The following SMG6 variants were observed in gnomAD, a reference collection of about 807,000 sequenced individuals.
SMG6 encodes the protein SMG6 nonsense mediated mRNA decay factor.
Under a neutral mutation model 142.2 loss-of-function variants are expected in SMG6, and 66 were observed. The observed-to-expected ratio is 0.46, with a 90% CI of 0.38 to 0.57. SMG6 has a LOEUF of 0.57. SMG6 is among the 20% of genes least tolerant of loss of function. The probability of loss-of-function intolerance (pLI) is 0.00; values close to 1 mark genes in which losing one functional copy is unlikely to be tolerated. For missense variants in SMG6, 1,793 were observed against 1,832.0 expected (o/e 0.98, Z 0.39); for synonymous variants, 779 against 702.4 (o/e 1.11, Z -1.72).
chr17:2,129,666 C>T (rs1435439608), intron 13 of SMG6, among the ~76,000 whole-genome samples: 1 of 151,432 alleles, frequency 6.6e-6, no homozygotes, highest in African/African-American at 2.4e-5. Context: ...TGGTGGTGCG[C>T]TCCTGTAACC....
Position 2,086,958 on chromosome 17 carries a change from CCCCTTCAT to C in SMG6, c.3358-1065_3358-1058del, listed in dbSNP as rs1294082397. On this transcript the variant is annotated intron_variant, in intron 13 of 18. Transcript: ENST00000263073. The stretch of plus-strand genomic sequence containing the variant: ...TGGCCAGACGTGCCACAGGGGACGG[CCCCTTCAT>C]CCTCACTGACTAGCCCCTGCCTCTC... 1.4e-5 allele frequency: 18 copies of C among 1,259,548 alleles called. No homozygotes were observed. The Admixed American group carries it at 4.3e-4, about 30-fold the overall frequency. 78.0% of individuals were successfully genotyped at this position (1,259,548 alleles called of 1,614,324 possible). A position where few individuals can be genotyped will look rare whatever the true frequency, so the allele number is the denominator to read the frequency against.
rs893251920 is a variant in SMG6, at chr17:2,098,894, G to A, written c.3358-12993C>T. On this transcript the variant is annotated intron_variant, in intron 13 of 18. Coordinates refer to ENST00000263073, the MANE Select transcript of SMG6 (RefSeq NM_017575.5). Reference sequence around the variant, plus strand: ...GATCCACCCGCCTCAGCCTCCCAAAGGGCTGGAATTACAGGCGTGAGCCAC... The same window carrying A: ...GATCCACCCGCCTCAGCCTCCCAAAAGGCTGGAATTACAGGCGTGAGCCAC... Among the ~76,000 whole-genome samples the A allele has an allele frequency of 6.6e-5, 10 of 152,284 alleles. No homozygotes were observed. In the South Asian group the frequency reaches 1.5e-3, roughly 22 times the overall value.
intron 13 of SMG6, among the ~76,000 whole-genome samples, chr17:2,142,026 T>C (rs2070496212): frequency 6.6e-6 from 1 of 152,160 alleles, no homozygotes; most frequent in South Asian, 2.1e-4. Flanking sequence ...TATTTGGTGA[T>C]AAACTCTGTT....
chr17:2,293,192 A>G (rs1393015725), intron 4 of SMG6, among the ~76,000 whole-genome samples: 3 of 152,186 alleles, frequency 2.0e-5, no homozygotes, highest in Non-Finnish European at 4.4e-5. Context: ...AACAGTCAGC[A>G]GTGTGATACA....
chr17:2,296,973 G>A (rs1176212900), intron 4 of SMG6, among the ~76,000 whole-genome samples: 1 of 147,356 alleles, frequency 6.8e-6, no homozygotes, highest in Non-Finnish European at 1.5e-5. Flanking sequence ...CTGCACTCCA[G>A]CCTGGGTGAC....
intron 13 of SMG6, among the ~76,000 whole-genome samples, chr17:2,142,645 A>T (rs923059224): frequency 6.6e-6 from 1 of 152,138 alleles, no homozygotes; most frequent in African/African-American, 2.4e-5. Flanking sequence ...GCACTTTGGG[A>T]GGCTGAGGTG....
At chr17:2,220,227 C>T (rs1798982698) in intron 10 of SMG6, among the ~76,000 whole-genome samples, 1 of 151,908 alleles carries the variant, frequency 6.6e-6, no homozygotes, top group African/African-American at 2.4e-5. Context: ...CAACATGAAA[C>T]GCAGACAAAA....
At chr17:2,174,823 G>C (rs2071609143) in intron 12 of SMG6, among the ~76,000 whole-genome samples, 1 of 152,166 alleles carries the variant, frequency 6.6e-6, no homozygotes, top group Admixed American at 6.5e-5. Context: ...GCAGAGATCT[G>C]CCTGAGCTCC....
At chr17:2,105,963 A>C (rs918216606) in intron 13 of SMG6, among the ~76,000 whole-genome samples, 1 of 152,240 alleles carries the variant, frequency 6.6e-6, no homozygotes, top group African/African-American at 2.4e-5. Context: ...TGGAAATCAA[A>C]GCTCCCTCCT....
At chr17:2,270,483 C>T (rs538238491) in intron 8 of SMG6, among the ~76,000 whole-genome samples, 68 of 152,198 alleles carry the variant, frequency 4.5e-4, no homozygotes, top group Non-Finnish European at 8.7e-4. Flanking sequence ...TGGCACATGC[C>T]TGTAGTCCCA....
rs557065613 is a variant in SMG6 at position 2,218,277 on chromosome 17, C to T, written c.2869+18215G>A. Among the ~76,000 whole-genome samples, 192 of 152,114 alleles carry T rather than the reference C, an allele frequency of 1.3e-3. 3 individuals are homozygous for T. The highest frequency in any genetic ancestry group is 4.3e-3 in the African/African-American group (180 of 41,514). On this transcript the variant is annotated intron_variant, in intron 10 of 18. Coordinates refer to ENST00000263073, the MANE Select transcript of SMG6 (RefSeq NM_017575.5). The stretch of plus-strand genomic sequence containing the variant: ...ATAAGATAACCAAATAGGCCAGGCG[C>T]GGTGGCTCACACCTGTAATCCCAGC...
At chr17:2,106,527 GGAAA>G (rs1162188695) in intron 13 of SMG6, among the ~76,000 whole-genome samples, 3 of 152,206 alleles carry the variant, frequency 2.0e-5, no homozygotes, top group African/African-American at 7.2e-5. Flanking sequence ...AAGAAGGAAG[GGAAA>G]GAGAGGGAGA....
At chr17:2,289,181 T>C (rs1407258520) in intron 6 of SMG6, among the ~76,000 whole-genome samples, 1 of 150,214 alleles carries the variant, frequency 6.7e-6, no homozygotes, top group Admixed American at 6.6e-5. Flanking sequence ...ACCTGGGAGG[T>C]TGAGGCTGCA....
At chr17:2,225,828 C>T (rs117170724) in intron 10 of SMG6, among the ~76,000 whole-genome samples, 8 of 151,796 alleles carry the variant, frequency 5.3e-5, no homozygotes, top group Admixed American at 2.6e-4. Flanking sequence ...AGGGGCACGA[C>T]GACAACGGTG....
In SMG6 at chr17:2,263,115, C is replaced by T. The variant is rs148368460; in HGVS notation, c.2662-18396G>A. ...CGACCGAAGATAAACGCCCTTTACA[C>T]TTACTAAAGGAAGTTTGGCTACAAC... On this transcript the variant is annotated intron_variant, in intron 8 of 18. Coordinates refer to ENST00000263073, the MANE Select transcript of SMG6 (RefSeq NM_017575.5). Among the ~76,000 whole-genome samples the T allele has an allele frequency of 1.9e-3, 287 of 152,282 alleles. 5 individuals carry two copies. Among genetic ancestry groups the T allele is most frequent in the Non-Finnish European group, 2.8e-4 (19 of 68,020 alleles).
rs181299277 is a variant in SMG6 at position 2,242,516 on chromosome 17, C to T, written c.2723+2142G>A. On this transcript the variant is annotated intron_variant, in intron 9 of 18. Transcript: ENST00000263073. The stretch of plus-strand genomic sequence containing the variant: ...CTGCACTCCAGCCTGGGCGACAGAG[C>T]GAGACTTCGTCTCAAAAAAAAAAGA... Among the ~76,000 whole-genome samples the T allele has an allele frequency of 4.2e-3, 626 of 150,172 alleles. 13 individuals are homozygous for T. The highest frequency in any genetic ancestry group is 4.6e-3 in the South Asian group (22 of 4,782).
chr17:2,087,678 G>C (rs1234787418), intron 13 of SMG6: 2 of 989,236 alleles, frequency 2.0e-6, no homozygotes, highest in South Asian at 4.5e-5. Context: ...GTTCCATTGC[G>C]TGTATTCAAA....
chr17:2,299,501 A>T lies in SMG6; in HGVS notation c.1252T>A (p.Ser418Thr). 4 of 1,614,138 alleles carry T rather than the reference A, an allele frequency of 2.5e-6. No homozygotes were observed. Among genetic ancestry groups the T allele is most frequent in the Non-Finnish European group, 3.4e-6 (4 of 1,180,024 alleles). ...ILILPAHTTL[S>T]VNSAGSPESA... ...TCTGGAGAACCTGCTGAATTGACAG[A>T]TAGGGTGGTATGGGCAGGCAAAATC... Residue 418 changes from serine to threonine, a missense_variant, in exon 2 of 19, where the codon TCT (serine) becomes ACT (threonine). Coordinates refer to ENST00000263073, the MANE Select transcript of SMG6 (RefSeq NM_017575.5). This position sits in a 1 kb window ranked among gnomAD's most constrained non-coding sequence, Gnocchi z 4.3.
intron 8 of SMG6, among the ~76,000 whole-genome samples, chr17:2,263,594 A>G (rs986818946): frequency 5.3e-5 from 8 of 152,252 alleles, no homozygotes; most frequent in Non-Finnish European, 1.2e-4. Context: ...GAACCAAAAC[A>G]TCAGAAAGAC....
Sources: allele counts gnomAD v4.1 joint callset (sites outside exome capture counted in the v4.1 genomes callset), GRCh38; gene constraint gnomAD v4.1.1; non-coding constraint Gnocchi (gnomAD v3.1); transcripts MANE v1.5; gene names NCBI Gene and HGNC (gene_info 2026-07-23, HGNC 2026-07-21).